MCU: variants seen among roughly 807,000 people sequenced by gnomAD.
MCU encodes the protein calcium uniporter protein, mitochondrial.
In MCU, 12 loss-of-function variants were observed where a neutral mutation model predicts 45.2. The ratio of observed to expected loss-of-function variants is 0.27; its 90% CI spans 0.17 to 0.43. The LOEUF is 0.43. Among genes scored for constraint, MCU ranks in the 20% least tolerant of loss-of-function variants. The pLI is 1.00. For missense variants in MCU, 324 were observed against 436.7 expected (o/e 0.74, Z 2.30); for synonymous variants, 160 against 165.1 (o/e 0.97, Z 0.24).
chr10:72,717,104 CTA>C (rs1166233441), intron 1 of MCU, among the ~76,000 whole-genome samples: 2 of 148,444 alleles, frequency 1.3e-5, no homozygotes, highest in African/African-American at 5.0e-5. Flanking sequence ...GGTGCACAGT[CTA>C]TTTCCTTTCT....
At chr10:72,742,466 T>C (rs888296131) in intron 1 of MCU, among the ~76,000 whole-genome samples, 7 of 152,240 alleles carry the variant, frequency 4.6e-5, no homozygotes, top group African/African-American at 1.7e-4. Flanking sequence ...TCTCTGCATT[T>C]TTATGTATCA....
rs1272714885 is a variant in MCU, at chr10:72,692,273, G to T, written c.122G>T (p.Arg41Leu). ...AGCFPGLGVS[R>L]HRQQQHHRTV... is the part of the protein sequence containing the mutation. ...TGCTTCCCTGGGCTGGGCGTCAGCC[G>T]CCACCGGCAGCAGCAGCACCACCGG... The change falls in exon 1 of 8, where the codon CGC (arginine) becomes CTC (leucine). Residue 41 changes from arginine (R) to leucine (L), a missense_variant. By Grantham distance (102) the Arg-to-Leu change is moderately radical (BLOSUM62 -2). Transcript: ENST00000373053. 3.3e-5 allele frequency: 40 copies of T among 1,227,974 alleles called. No individual in the cohort carries two copies. Among genetic ancestry groups the T allele is most frequent in the Non-Finnish European group, 3.9e-5 (38 of 983,210 alleles). 76.1% of individuals were successfully genotyped at this position (1,227,974 alleles called of 1,614,324 possible).
rs182205666 is a variant in MCU, at chr10:72,817,401, G to A, written c.151-16958G>A. ...TCCTTCTTAATAGTAGCCTGAGGTA[G>A]GCTAGTTTGCTATACTGTATAAGAA... On this transcript the variant is annotated intron_variant, in intron 1 of 7. Coordinates refer to ENST00000373053, the MANE Select transcript of MCU (RefSeq NM_138357.3). Among the ~76,000 whole-genome samples the A allele has an allele frequency of 9.9e-5, 15 of 152,224 alleles. No homozygotes were observed. The East Asian group carries it at 2.7e-3, about 27-fold the overall frequency.
In MCU at chr10:72,794,069, AAATC is replaced by A. The variant is rs1589463183; in HGVS notation, c.151-40287_151-40284del. Among the ~76,000 whole-genome samples the A allele has an allele frequency of 3.3e-5, 5 of 152,310 alleles. No homozygotes were observed. The East Asian group carries it at 9.6e-4, about 29-fold the overall frequency. On this transcript the variant is annotated intron_variant, in intron 1 of 7. Coordinates refer to ENST00000373053, the MANE Select transcript of MCU (RefSeq NM_138357.3). ...CTCTAAGTCTAGGATCTCATTATCT[AAATC>A]AAGTCCATCCCATTCTAGCAGGTGT... is the stretch of plus-strand genomic sequence containing the variant.
chr10:72,833,243 A>G (rs1844905911), intron 1 of MCU, among the ~76,000 whole-genome samples: 1 of 152,220 alleles, frequency 6.6e-6, no homozygotes, highest in South Asian at 2.1e-4. Flanking sequence ...TTGTCATTAG[A>G]GGGAAATTAG....
chr10:72,731,181 A>T (rs1168016955), intron 1 of MCU: 1 of 152,146 alleles, frequency 6.6e-6, no homozygotes, highest in African/African-American at 2.4e-5. Flanking sequence ...AGTGATCCTC[A>T]GCCTCCCAAA....
At chr10:72,794,013 G>A (rs1480374045) in intron 1 of MCU, among the ~76,000 whole-genome samples, 1 of 152,040 alleles carries the variant, frequency 6.6e-6, no homozygotes, top group African/African-American at 2.4e-5. Flanking sequence ...CTCTATCAGT[G>A]CTCCCAATTT....
intron 1 of MCU, among the ~76,000 whole-genome samples, chr10:72,740,669 C>A (rs1342454512): frequency 1.3e-5 from 2 of 152,088 alleles, no homozygotes; most frequent in East Asian, 3.9e-4. Flanking sequence ...ATTTGGATTC[C>A]AGTGAGGTCG....
intron 1 of MCU, among the ~76,000 whole-genome samples, chr10:72,710,401 G>C (rs1405978050): frequency 6.6e-6 from 1 of 152,062 alleles, no homozygotes; most frequent in African/African-American, 2.4e-5. Context: ...GACAATCTGA[G>C]ACCCTGAGTT....
intron 1 of MCU, among the ~76,000 whole-genome samples, chr10:72,803,733 C>T (rs982392637): frequency 2.0e-5 from 3 of 151,620 alleles, no homozygotes; most frequent in African/African-American, 7.3e-5. Flanking sequence ...CATTTTTTTG[C>T]ACACACACAA....
chr10:72,864,109 A>G (rs942185907), intron 4 of MCU, among the ~76,000 whole-genome samples: 2 of 152,228 alleles, frequency 1.3e-5, no homozygotes, highest in African/African-American at 4.8e-5. Flanking sequence ...ATACTACTCT[A>G]GTAATTTCAT....
At chr10:72,803,737 C>T (rs1216313137) in intron 1 of MCU, among the ~76,000 whole-genome samples, 1 of 151,720 alleles carries the variant, frequency 6.6e-6, no homozygotes, top group South Asian at 2.1e-4. Context: ...TTTTTGCACA[C>T]ACACAAAATA....
chr10:72,788,854 A>G (rs139076942), intron 1 of MCU, among the ~76,000 whole-genome samples: 3 of 152,324 alleles, frequency 2.0e-5, no homozygotes, highest in Non-Finnish European at 4.4e-5. Context: ...ACCGTATTTT[A>G]AAAGGTACTG....
At chr10:72,721,511 C>T (rs1218722287) in intron 1 of MCU, among the ~76,000 whole-genome samples, 1 of 152,210 alleles carries the variant, frequency 6.6e-6, no homozygotes, top group Admixed American at 6.5e-5. Flanking sequence ...TTTTGTGATA[C>T]TGACCTCCTT....
chr10:72,694,761 G>A (rs1160409077), intron 1 of MCU, among the ~76,000 whole-genome samples: 1 of 152,160 alleles, frequency 6.6e-6, no homozygotes, highest in Admixed American at 6.5e-5. Context: ...CAACCAGGGG[G>A]GCATAACCAG....
At position 72,876,034 on chromosome 10, in the gene MCU, G is replaced by C. The variant is rs564504991; in HGVS notation, c.861+4454G>C. On this transcript the variant is annotated intron_variant, in intron 6 of 7. Coordinates refer to ENST00000373053, the MANE Select transcript of MCU (RefSeq NM_138357.3). ...AAGGAGGAGTAATCAGGAAAAAAAT[G>C]CCTTAAAAAGCTACTTAGGGTGGCA... Among the ~76,000 whole-genome samples, 7 of 152,232 alleles carry C rather than the reference G, an allele frequency of 4.6e-5. No individual in the cohort carries two copies. The East Asian group carries it at 1.4e-3, about 29-fold the overall frequency.
chr10:72,770,462 CTT>C (rs759882013), intron 1 of MCU, among the ~76,000 whole-genome samples: 23 of 151,878 alleles, frequency 1.5e-4, no homozygotes, highest in Non-Finnish European at 2.9e-4. Flanking sequence ...TCTATTTCCT[CTT>C]TCTTTTTTGT....
At chr10:72,803,048 T>C (rs996965927) in intron 1 of MCU, among the ~76,000 whole-genome samples, 1 of 152,198 alleles carries the variant, frequency 6.6e-6, no homozygotes, top group Non-Finnish European at 1.5e-5. Context: ...TTTTCTCCTC[T>C]TCTCCTTTGT....
At chr10:72,745,227 G>A (rs1843397049) in intron 1 of MCU, among the ~76,000 whole-genome samples, 1 of 151,944 alleles carries the variant, frequency 6.6e-6, no homozygotes, top group African/African-American at 2.4e-5. Context: ...GTGGAATACT[G>A]TTCAGAATTT....
Sources: gnomAD v4.1 joint callset for allele counts (sites outside exome capture counted in the v4.1 genomes callset) on GRCh38, gnomAD v4.1.1 for gene constraint, MANE v1.5 for transcripts, NCBI Gene and HGNC (gene_info 2026-07-23, HGNC 2026-07-21) for gene names.